NFAT5: variants seen among roughly 807,000 people sequenced by gnomAD.
NFAT5 encodes nuclear factor of activated T-cells 5.
Under a neutral mutation model 166.5 loss-of-function variants are expected in NFAT5, and 31 were observed. The ratio of observed to expected loss-of-function variants is 0.19; its 90% CI spans 0.14 to 0.25. NFAT5 has a LOEUF of 0.25. NFAT5 is among the 10% of genes least tolerant of loss of function. The pLI is 1.00. For missense variants in NFAT5, 1,449 were observed against 1,821.8 expected (o/e 0.80, Z 3.72); for synonymous variants, 612 against 639.7 (o/e 0.96, Z 0.65).
chr16:69,640,168 G>A (rs949025785), intron 3 of NFAT5, among the ~76,000 whole-genome samples: 10 of 152,256 alleles, frequency 6.6e-5, no homozygotes, highest in Admixed American at 3.3e-4. Context: ...GACAGGCATC[G>A]TGTGGTGGGT....
chr16:69,601,501 A>G (rs193194162), intron 2 of NFAT5, among the ~76,000 whole-genome samples: 106 of 152,216 alleles, frequency 7.0e-4, no homozygotes, highest in Admixed American at 2.4e-3. Context: ...TCAAGTGGCT[A>G]GGACTATAGG....
In NFAT5 at chr16:69,670,300, GC is replaced by G. The variant is rs1243614989; in HGVS notation, c.1557+13del. The G allele has an allele frequency of 1.3e-6, 2 of 1,515,940 alleles. No individual in the cohort carries two copies. The highest frequency in any genetic ancestry group is 2.0e-5 in the African/African-American group (1 of 50,262). 93.9% of individuals were successfully genotyped at this position (1,515,940 alleles called of 1,614,324 possible). A position where few individuals can be genotyped will look rare whatever the true frequency, so the allele number is the denominator to read the frequency against. On this transcript the variant is annotated intron_variant, in intron 9 of 14. Transcript: ENST00000349945. ...AACTATTTCATCAGGTAAAATTTAA[GC>G]TTTTTTTATAATTTGGTTATTTACT...
At chr16:69,648,200 A>T (rs1247394104) in intron 4 of NFAT5, 14 of 984,816 alleles carry the variant, frequency 1.4e-5, no homozygotes, top group African/African-American at 1.8e-5. Context: ...CACCAAAAAA[A>T]AAACCGAAAG....
intron 3 of NFAT5, among the ~76,000 whole-genome samples, chr16:69,628,402 T>C (rs569253275): frequency 1.5e-4 from 23 of 152,222 alleles, no homozygotes; most frequent in Admixed American, 1.1e-3. Context: ...AGTAAGAAGG[T>C]AAACTTTCTA....
intron 2 of NFAT5, among the ~76,000 whole-genome samples, chr16:69,608,489 GCTCACGCCTGTAAT>G (rs1483989919): frequency 6.6e-6 from 1 of 152,150 alleles, no homozygotes; most frequent in Non-Finnish European, 1.5e-5. Context: ...AGGCGCGGTG[GCTCACGCCTGTAAT>G]CCCAGCACTT....
At position 69,589,317 on chromosome 16, in the gene NFAT5, G is replaced by A. The variant is rs908220455; in HGVS notation, c.127+20769G>A. 1.2e-4 allele frequency among the ~76,000 whole-genome samples: 19 copies of A among 152,152 alleles called. 2 individuals are homozygous for A. Among genetic ancestry groups the A allele is most frequent in the East Asian group, 5.8e-4 (3 of 5,176 alleles). On this transcript the variant is annotated intron_variant, in intron 2 of 14. Transcript: ENST00000349945. ...CCTCCTACTTCTTTTTTAGTAGCCC[G>A]TTGTTTGTCTAACTTGTCTATCAGT...
chr16:69,597,302 G>T (rs1047823235), intron 2 of NFAT5, among the ~76,000 whole-genome samples: 4 of 152,048 alleles, frequency 2.6e-5, no homozygotes, highest in African/African-American at 9.7e-5. Flanking sequence ...AGTACTGCAG[G>T]TATCACAGGC....
chr16:69,629,287 G>A (rs2151585482), intron 3 of NFAT5, among the ~76,000 whole-genome samples: 1 of 152,198 alleles, frequency 6.6e-6, no homozygotes, highest in South Asian at 2.1e-4. Flanking sequence ...AGTGTTCATG[G>A]ACATTTTTTT....
chr16:69,653,187 C>A (rs1234994506), intron 4 of NFAT5, 49 bp from the exon 5 acceptor site: 3 of 1,248,928 alleles, frequency 2.4e-6, no homozygotes, highest in African/African-American at 1.6e-5. Flanking sequence ...TTTTTTTTAT[C>A]AAAAAACTCT....
At chr16:69,668,824 A>G (rs1597508620) in intron 7 of NFAT5, among the ~76,000 whole-genome samples, 1 of 152,032 alleles carries the variant, frequency 6.6e-6, no homozygotes, top group Non-Finnish European at 1.5e-5. Flanking sequence ...GATTACAAGC[A>G]CCCACCACCA....
At chr16:69,695,407 G>A (rs2037728928) in intron 14 of NFAT5, 28 bp downstream of exon 14, 1 of 1,478,276 alleles carries the variant, frequency 6.8e-7, no homozygotes, top group African/African-American at 1.4e-5. Context: ...GCTTCTTATT[G>A]AAAAGCATCA....
rs2036554173 is a variant in NFAT5 at position 69,669,864 on chromosome 16, A to G, written c.1370-113A>G. 4.6e-6 allele frequency: 4 copies of G among 869,460 alleles called. No individual in the cohort carries two copies. The African/African-American group carries it at 5.3e-5, about 12-fold the overall frequency. The allele number at this position is 869,460 out of a possible 1,614,324, so 53.9% of individuals were successfully genotyped here. A position where few individuals can be genotyped will look rare whatever the true frequency, so the allele number is the denominator to read the frequency against. On this transcript the variant is annotated intron_variant, in intron 7 of 14. Coordinates refer to ENST00000349945, the MANE Select transcript of NFAT5 (RefSeq NM_138713.4). ...TAATTGTGTAACTATAAAAATATTT[A>G]TTACTCCTCCTTCAATAAAGACAAC...
In NFAT5 at chr16:69,647,677, A is replaced by G; in HGVS notation, c.812+91A>G. On this transcript the variant is annotated intron_variant, in intron 4 of 14. Coordinates refer to ENST00000349945, the MANE Select transcript of NFAT5 (RefSeq NM_138713.4). The surrounding 1 kb of genome is among the most constrained non-coding windows in gnomAD (Gnocchi z 4.8). The stretch of plus-strand genomic sequence containing the variant: ...CAATTTTTCCTAATTGCTGAGCTCA[A>G]GTTTGCATATAAAGCAACAGTGCTA... The G allele has an allele frequency of 8.4e-7, 1 of 1,193,890 alleles. No individual in the cohort carries two copies. Among genetic ancestry groups the G allele is most frequent in the Non-Finnish European group, 1.2e-6 (1 of 861,704 alleles). The allele number at this position is 1,193,890 out of a possible 1,614,324, so 74.0% of individuals were successfully genotyped here. A position where few individuals can be genotyped will look rare whatever the true frequency, so the allele number is the denominator to read the frequency against.
At chr16:69,638,004 A>G (rs1389957479) in intron 3 of NFAT5, among the ~76,000 whole-genome samples, 1 of 150,846 alleles carries the variant, frequency 6.6e-6, no homozygotes, top group African/African-American at 2.4e-5. Context: ...GCGGATCACA[A>G]GGTCAAGAGT....
At chr16:69,673,896 C>CTG (rs1249599685) in intron 9 of NFAT5, among the ~76,000 whole-genome samples, 6 of 152,028 alleles carry the variant, frequency 3.9e-5, no homozygotes, top group African/African-American at 1.5e-4. Flanking sequence ...ATTGTAATAG[C>CTG]TGTTCAGTTG....
intron 2 of NFAT5, among the ~76,000 whole-genome samples, chr16:69,621,176 T>C (rs1423547262): frequency 6.6e-6 from 1 of 152,112 alleles, no homozygotes; most frequent in Non-Finnish European, 1.5e-5. Context: ...GTCCATGAAG[T>C]TTATTAGAGC....
intron 2 of NFAT5, among the ~76,000 whole-genome samples, chr16:69,569,673 G>T (rs1376396341): frequency 2.0e-5 from 3 of 152,148 alleles, no homozygotes; most frequent in Non-Finnish European, 4.4e-5. Flanking sequence ...GTGAGCTAAT[G>T]TGTATTAAAT....
At chr16:69,646,276 C>T (rs374979002) in intron 3 of NFAT5, among the ~76,000 whole-genome samples, 1 of 152,150 alleles carries the variant, frequency 6.6e-6, no homozygotes, top group Non-Finnish European at 1.5e-5. Flanking sequence ...TTTGAACTAC[C>T]ACTTCCAGCT....
In NFAT5 at chr16:69,647,615, T is replaced by C; in HGVS notation, c.812+29T>C. 2.0e-6 allele frequency: 3 copies of C among 1,518,072 alleles called. No individual in the cohort carries two copies. Among genetic ancestry groups the C allele is most frequent in the Non-Finnish European group, 2.6e-6 (3 of 1,138,416 alleles). 94.0% of individuals were successfully genotyped at this position (1,518,072 alleles called of 1,614,324 possible). On this transcript the variant is annotated intron_variant, in intron 4 of 14. Transcript: ENST00000349945. The surrounding 1 kb of genome is among the most constrained non-coding windows in gnomAD (Gnocchi z 4.8). ...GGTATTCACATTTTTTAAAATTCTA[T>C]CATCATTATGCAAAACAAACAAACA...
Sources: allele counts gnomAD v4.1 joint callset (sites outside exome capture counted in the v4.1 genomes callset), GRCh38; gene constraint gnomAD v4.1.1; non-coding constraint Gnocchi (gnomAD v3.1); transcripts MANE v1.5; gene names NCBI Gene and HGNC (gene_info 2026-07-23, HGNC 2026-07-21).